Variants in ZNF571 observed in about 807,000 individuals in gnomAD.
The protein encoded by ZNF571 is zinc finger protein 571.
A neutral mutation model predicts 7.7 loss-of-function variants in ZNF571; 4 were observed. The ratio of observed to expected loss-of-function variants is 0.52; its 90% confidence interval spans 0.25 to 1.18. The LOEUF (loss-of-function observed/expected upper bound fraction) is 1.18. Among genes scored for constraint, ZNF571 ranks in the 50% most tolerant of loss-of-function variants. The probability of loss-of-function intolerance (pLI) is 0.14; values close to 1 mark genes in which losing one functional copy is unlikely to be tolerated. For synonymous variants in ZNF571, 251 were observed against 232.4 expected, an observed-to-expected ratio of 1.08 and a Z score of -0.73; for missense variants, 704 against 726.9, an observed-to-expected ratio of 0.97 and a Z score of 0.36.
intron 3 of ZNF571, among the ~76,000 whole-genome samples, chr19:37,571,513 C>A (rs1044736382): frequency 6.6e-6 from 1 of 151,912 alleles, no homozygotes; most frequent in Non-Finnish European, 1.5e-5. Context: ...CAAAAACAAA[C>A]AAAAAAACAA....
chr19:37,586,480 CTGTT>C (rs1417730500), intron 2 of ZNF571, 184 bp downstream of exon 2: 4 of 640,610 alleles, frequency 6.2e-6, no homozygotes, highest in South Asian at 3.9e-5. Context: ...TATCTGAAAA[CTGTT>C]TGGAGAGGGG....
At chr19:37,581,797 A>AC (rs902446649) in intron 3 of ZNF571, among the ~76,000 whole-genome samples, 3 of 151,406 alleles carry the variant, frequency 2.0e-5, no homozygotes, top group Non-Finnish European at 2.9e-5. Context: ...GTGAAAAAAA[A>AC]ACAAAAAACA....
chr19:37,574,070 G>A (rs1016521199), intron 3 of ZNF571, among the ~76,000 whole-genome samples: 2 of 151,980 alleles, frequency 1.3e-5, no homozygotes, highest in African/African-American at 4.8e-5. Context: ...TCTATGCTCT[G>A]GATCCATTAT....
intron 3 of ZNF571, among the ~76,000 whole-genome samples, chr19:37,573,005 CATG>C (rs2043118387): frequency 1.3e-5 from 2 of 152,166 alleles, no homozygotes; most frequent in Admixed American, 1.3e-4. Context: ...TCTTTCATCA[CATG>C]ATTGATTATA....
intron 3 of ZNF571, among the ~76,000 whole-genome samples, chr19:37,578,063 G>T (rs1182027830): frequency 6.6e-6 from 1 of 152,162 alleles, no homozygotes; most frequent in African/African-American, 2.4e-5. Flanking sequence ...GACGGATCTA[G>T]GTTGCGGGCT....
In ZNF571 at chr19:37,583,983, G is replaced by A. The variant is rs779027782; in HGVS notation, c.124C>T (p.Leu42=). The A allele has an allele frequency of 3.7e-6, 6 of 1,611,188 alleles. No homozygotes were observed. In the South Asian group the frequency reaches 6.6e-5, roughly 18 times the overall value. The change falls in exon 3 of 4, where the codon CTG becomes TTG. Residue 42 remains leucine (L), a synonymous_variant. Transcript: ENST00000451802. Reference sequence around the variant, plus strand: ...AGGATGATCTTACCCAATGAGATCAGGTTGCTGTAGTTCTCCAACATCACA... The same window carrying A: ...AGGATGATCTTACCCAATGAGATCAAGTTGCTGTAGTTCTCCAACATCACA... ...RDVMLENYSN[L]ISLDLESSCV... is the part of the protein sequence containing the mutation.
intron 2 of ZNF571, 193 bp from the exon 3 acceptor site, chr19:37,584,290 C>T (rs971350095): frequency 6.5e-6 from 4 of 617,132 alleles, no homozygotes; most frequent in Middle Eastern, 3.9e-4. Context: ...TACAATAGAA[C>T]AATTCCATTA....
chr19:37,572,260 C>T (rs1352293940), intron 3 of ZNF571, among the ~76,000 whole-genome samples: 1 of 152,226 alleles, frequency 6.6e-6, no homozygotes, highest in Non-Finnish European at 1.5e-5. Context: ...GTAGTTCCCC[C>T]TTACCAAGGT....
At chr19:37,580,462 C>T (rs115618001) in intron 3 of ZNF571, among the ~76,000 whole-genome samples, 2,096 of 152,316 alleles carry the variant, frequency 0.014, 44 homozygotes, top group African/African-American at 0.047. Flanking sequence ...ATCAGGCATG[C>T]CATGACAATA....
At chr19:37,593,025 T>A (rs111572899) in intron 1 of ZNF571, among the ~76,000 whole-genome samples, 1 of 152,122 alleles carries the variant, frequency 6.6e-6, no homozygotes, top group Non-Finnish European at 1.5e-5. Flanking sequence ...TTTGAAATAA[T>A]TGGGAAAATC....
chr19:37,594,243 G>C (rs2043950157), intron 1 of ZNF571: 2 of 152,302 alleles, frequency 1.3e-5, no homozygotes, highest in Non-Finnish European at 1.5e-5. Context: ...TGCAGCAGCT[G>C]TAACCGCACG....
At position 37,566,002 on chromosome 19, in the gene ZNF571, CTTACA is replaced by C; in HGVS notation, c.421_425del (p.Cys141GlyfsTer16). On this transcript the variant is annotated frameshift_variant, in exon 4 of 4. Transcript: ENST00000451802. LOFTEE classifies it low-confidence loss of function (END_TRUNC). ...GGTAGCTGAAACCTTGTCTGCATTCCTTACATTTGTACAATTTTTCCTTGGTAGGA... is the reference window on the plus strand; with the variant it reads ...GGTAGCTGAAACCTTGTCTGCATTCCTTTGTACAATTTTTCCTTGGTAGGA... 6.2e-7 allele frequency: 1 copy of C among 1,613,996 alleles called. No homozygotes were observed. Among genetic ancestry groups the C allele is most frequent in the South Asian group, 1.1e-5 (1 of 91,082 alleles).
chr19:37,588,766 T>G (rs2043771287), intron 1 of ZNF571, among the ~76,000 whole-genome samples: 1 of 152,192 alleles, frequency 6.6e-6, no homozygotes, highest in South Asian at 2.1e-4. Flanking sequence ...AAGAAAAGAT[T>G]AATGTAACTG....
At position 37,564,966 on chromosome 19, in the gene ZNF571, G is replaced by A. The variant is rs1434666393; in HGVS notation, c.1462C>T (p.Gln488Ter). ...TGAATTCTTTGATGATATGTAAGTTGTGTAGCACGTACAAAGGTCTTCCCA... is the reference window on the plus strand; with the variant it reads ...TGAATTCTTTGATGATATGTAAGTTATGTAGCACGTACAAAGGTCTTCCCA... ...ECGKTFVRAT[Q>*]LTYHQRIHTG... Residue 488 changes from glutamine (Q) to a stop codon, truncating the protein, a stop_gained, in exon 4 of 4, where the codon CAA becomes TAA. Coordinates refer to ENST00000451802, the MANE Select transcript of ZNF571 (RefSeq NM_016536.5). LOFTEE classifies it low-confidence loss of function (END_TRUNC). The A allele has an allele frequency of 1.2e-6, 2 of 1,613,202 alleles. No individual in the cohort carries two copies. Among genetic ancestry groups the A allele is most frequent in the South Asian group, 1.1e-5 (1 of 91,004 alleles).
chr19:37,564,296 A>G lies in ZNF571; in HGVS notation c.*302T>C, dbSNP rs1480690723. ...ATATGTATTTAATTATAATTTAGTC[A>G]TTGTAATACAATTACAGTATTTTAC... On this transcript the variant is annotated 3_prime_UTR_variant, in exon 4 of 4. Transcript: ENST00000451802. The G allele has an allele frequency of 4.4e-6, 1 of 226,366 alleles. No individual in the cohort carries two copies. The highest frequency in any genetic ancestry group is 8.5e-6 in the Non-Finnish European group (1 of 118,082). The allele number at this position is 226,366 out of a possible 1,614,324, so 14.0% of individuals were successfully genotyped here.
At chr19:37,571,419 C>T (rs918432513) in intron 3 of ZNF571, among the ~76,000 whole-genome samples, 3 of 152,016 alleles carry the variant, frequency 2.0e-5, no homozygotes, top group Non-Finnish European at 2.9e-5. Flanking sequence ...TCGCCTGAAC[C>T]CAGGAAGTGG....
At position 37,581,116 on chromosome 19, in the gene ZNF571, C is replaced by T. The variant is rs150225676; in HGVS notation, c.136+2855G>A. Among the ~76,000 whole-genome samples, 46 of 152,272 alleles carry T rather than the reference C, an allele frequency of 3.0e-4. No individual in the cohort carries two copies. In the East Asian group the frequency reaches 8.7e-3, roughly 29 times the overall value. On this transcript the variant is annotated intron_variant, in intron 3 of 3. Transcript: ENST00000451802. ...ACCAAAGAACACTGAAGCCTTAAAA[C>T]GTGAGACCCCCTTGGGAAAAAGACA...
At chr19:37,567,422 G>A (rs954161440) in intron 3 of ZNF571, among the ~76,000 whole-genome samples, 7 of 152,136 alleles carry the variant, frequency 4.6e-5, no homozygotes, top group Non-Finnish European at 1.0e-4. Flanking sequence ...GTTTACCCTT[G>A]TATTTAGAAT....
At chr19:37,592,646 T>C (rs189591360) in intron 1 of ZNF571, among the ~76,000 whole-genome samples, 2 of 152,300 alleles carry the variant, frequency 1.3e-5, no homozygotes, top group East Asian at 3.9e-4. Context: ...CATCAGACTG[T>C]AAGGGCCTCA....
Sources: allele counts gnomAD v4.1 joint callset (sites outside exome capture counted in the v4.1 genomes callset), GRCh38; gene constraint gnomAD v4.1.1; transcripts MANE v1.5; gene names NCBI Gene and HGNC (gene_info 2026-07-23, HGNC 2026-07-21).